The following PDE6B variants were observed in gnomAD, a reference collection of about 807,000 sequenced individuals.
PDE6B encodes phosphodiesterase 6B.
Under a neutral mutation model 109.0 loss-of-function variants are expected in PDE6B, and 106 were observed. That is an observed-to-expected ratio of 0.97 (90% CI 0.83 to 1.14). The LOEUF is 1.14. Among genes scored for constraint, PDE6B ranks in the 50% most tolerant of loss-of-function variants. The probability of loss-of-function intolerance (pLI) is 0.00; values close to 1 mark genes in which losing one functional copy is unlikely to be tolerated. For synonymous variants in PDE6B, 490 were observed against 471.3 expected (o/e 1.04, Z -0.51); for missense variants, 1,193 against 1,155.6 (o/e 1.03, Z -0.47).
intron 6 of PDE6B, 46 bp downstream of exon 6, chr4:654,934 C>T (rs772350445): frequency 1.9e-6 from 2 of 1,061,418 alleles, no homozygotes; most frequent in Non-Finnish European, 1.5e-6. Flanking sequence ...GAGGGACCGC[C>T]CCTCAGACCC....
rs1737253190 is a variant in PDE6B, at chr4:662,688, T to C, written c.1832+70T>C. ...CCACGCCCTTGGCGTGAATTAGGCT[T>C]CGCATAGCAGGCTATGTAGAAAGTG... On this transcript the variant is annotated intron_variant, in intron 14 of 21. Transcript: ENST00000496514. This position sits in a 1 kb window ranked among gnomAD's most constrained non-coding sequence, Gnocchi z 4.3. The C allele has an allele frequency of 1.0e-6, 1 of 989,864 alleles. No homozygotes were observed. The highest frequency in any genetic ancestry group is 1.6e-5 in the African/African-American group (1 of 62,822). The allele number at this position is 989,864 out of a possible 1,614,324, so 61.3% of individuals were successfully genotyped here. A position where few individuals can be genotyped will look rare whatever the true frequency, so the allele number is the denominator to read the frequency against.
intron 3 of PDE6B, among the ~76,000 whole-genome samples, chr4:644,553 A>G (rs943258110): frequency 6.6e-6 from 1 of 151,646 alleles, no homozygotes; most frequent in Non-Finnish European, 1.5e-5. Context: ...TTTTTGAGAC[A>G]GATTCTTTCT....
Position 664,936 on chromosome 4 carries a change from C to T in PDE6B, c.2185C>T (p.Gln729Ter). 1 of 1,612,520 alleles carries T rather than the reference C, an allele frequency of 6.2e-7. No homozygotes were observed. Among genetic ancestry groups the T allele is most frequent in the Non-Finnish European group, 8.5e-7 (1 of 1,179,296 alleles). ...LSAITKPWEV[Q>*]SKVALLVAAE... ...TGCCATCACCAAGCCCTGGGAAGTC[C>T]AGAGCAAGGTTAGAACAGAGGGCCC... The change falls in exon 18 of 22, where the codon CAG (glutamine) becomes TAG (stop). Residue 729 changes from glutamine (Q) to a stop codon, truncating the protein, a stop_gained. Transcript: ENST00000496514. LOFTEE classifies it high-confidence loss of function.
intron 12 of PDE6B, chr4:661,713 G>C: frequency 4.1e-6 from 1 of 241,822 alleles, no homozygotes; most frequent in Non-Finnish European, 8.3e-6. Flanking sequence ...AGAGAGACCA[G>C]CATTCTCTTG....
chr4:668,061 A>G (rs1387282468), intron 21 of PDE6B, 55 bp downstream of exon 21: 2 of 1,525,002 alleles, frequency 1.3e-6, no homozygotes, highest in Admixed American at 3.4e-5. Flanking sequence ...CCAAGGCAAA[A>G]TGAAAAGACA....
chr4:654,847 C>T lies in PDE6B; in HGVS notation c.951C>T (p.Ile317=), dbSNP rs1416849757. 3.2e-6 allele frequency: 5 copies of T among 1,574,130 alleles called. No individual in the cohort carries two copies. Among genetic ancestry groups the T allele is most frequent in the South Asian group, 2.2e-5 (2 of 90,286 alleles). Residue 317 remains isoleucine, a synonymous_variant, in exon 6 of 22, where the codon ATC becomes ATT. Transcript: ENST00000496514. ...AGGAAATTGTCTTCTACAAAGTGAT[C>T]GACTACGTCCTCCACGGCAAGGAGG... is the stretch of plus-strand genomic sequence containing the variant. ...DGREIVFYKV[I]DYVLHGKEEI...
At chr4:635,373 CCACGCG>C in intron 2 of PDE6B, among the ~76,000 whole-genome samples, 1 of 131,438 alleles carries the variant, frequency 7.6e-6, no homozygotes, top group East Asian at 2.3e-4. Context: ...GTGTTCTGTG[CCACGCG>C]TCTGCCTCCC....
chr4:636,444 G>T lies in PDE6B; in HGVS notation c.711+475G>T, dbSNP rs1734686258. Among the ~76,000 whole-genome samples the T allele has an allele frequency of 6.6e-6, 1 of 152,146 alleles. No individual in the cohort carries two copies. Among genetic ancestry groups the T allele is most frequent in the Admixed American group, 6.5e-5 (1 of 15,276 alleles). ...CCTGGCCGAGACGCTGGGGAGGGAG[G>T]CCTGAGGACCTTAAGGAGTCAGGTG... is the stretch of plus-strand genomic sequence containing the variant. On this transcript the variant is annotated intron_variant, in intron 3 of 21. Coordinates refer to ENST00000496514, the MANE Select transcript of PDE6B (RefSeq NM_000283.4). This position sits in a 1 kb window ranked among gnomAD's most constrained non-coding sequence, Gnocchi z 4.5.
chr4:663,644 C>A lies in PDE6B; in HGVS notation c.1921-126C>A. On this transcript the variant is annotated intron_variant, in intron 15 of 21. Coordinates refer to ENST00000496514, the MANE Select transcript of PDE6B (RefSeq NM_000283.4). This position sits in a 1 kb window ranked among gnomAD's most constrained non-coding sequence, Gnocchi z 4.0. ...TGAGCAGCAGGCGGATTAGGGGTCC[C>A]GCCCACCGAGGGCCCGAGGGCGGGG... 1.4e-6 allele frequency: 1 copy of A among 733,176 alleles called. No individual in the cohort carries two copies. Among genetic ancestry groups the A allele is most frequent in the South Asian group, 1.5e-5 (1 of 67,164 alleles). The allele number at this position is 733,176 out of a possible 1,614,324, so 45.4% of individuals were successfully genotyped here. A position where few individuals can be genotyped will look rare whatever the true frequency, so the allele number is the denominator to read the frequency against.
At chr4:667,616 T>C (rs1312262335) in intron 20 of PDE6B, among the ~76,000 whole-genome samples, 1 of 152,046 alleles carries the variant, frequency 6.6e-6, no homozygotes, top group African/African-American at 2.4e-5. Flanking sequence ...TGGGTTCCTC[T>C]CCCTGCAACA....
intron 3 of PDE6B, 76 bp from the exon 4 acceptor site, chr4:653,775 TA>T: frequency 6.5e-7 from 1 of 1,528,574 alleles, no homozygotes. Context: ...AGGCTTGAGT[TA>T]AACCCCTGCT....
chr4:648,845 G>A lies in PDE6B; in HGVS notation c.712-5007G>A, dbSNP rs1240794671. On this transcript the variant is annotated intron_variant, in intron 3 of 21. Coordinates refer to ENST00000496514, the MANE Select transcript of PDE6B (RefSeq NM_000283.4). This position sits in a 1 kb window ranked among gnomAD's most constrained non-coding sequence, Gnocchi z 4.5. ...TCAGGCCGGCCATGCGTCAGGACCC[G>A]GTGGCTCGCTGCAAGGGCGGAGGAG... Among the ~76,000 whole-genome samples, 3 of 152,248 alleles carry A rather than the reference G, an allele frequency of 2.0e-5. No homozygotes were observed. The highest frequency in any genetic ancestry group is 1.9e-4 in the East Asian group (1 of 5,190).
chr4:661,272 A>G (rs1158864544), intron 12 of PDE6B: 1 of 152,604 alleles, frequency 6.6e-6, no homozygotes, highest in East Asian at 1.9e-4. Context: ...TCATCTGGCA[A>G]TAACAGGGGA....
rs754365188 is a variant in PDE6B, at chr4:660,467, AAGG to A, written c.1474_1476del (p.Glu492del). On this transcript the variant is annotated inframe_deletion and splice_region_variant, in exon 12 of 22. Coordinates refer to ENST00000496514, the MANE Select transcript of PDE6B (RefSeq NM_000283.4). ...CCTCAGCCCACAATCCCTCCCACAG[AAGG>A]AGGAGCTGCCAGGGCCCACCACATT... 1 of 1,613,644 alleles carries A rather than the reference AAGG, an allele frequency of 6.2e-7. No individual in the cohort carries two copies. The highest frequency in any genetic ancestry group is 1.1e-5 in the South Asian group (1 of 91,076).
At chr4:657,141 G>A (rs1736368538) in intron 9 of PDE6B, 118 bp downstream of exon 9, 3 of 1,227,192 alleles carry the variant, frequency 2.4e-6, no homozygotes, top group South Asian at 1.2e-5. Flanking sequence ...TGTGTGTGCG[G>A]TATGCATGCG....
intron 11 of PDE6B, among the ~76,000 whole-genome samples, chr4:660,120 C>T (rs1266916033): frequency 1.3e-5 from 2 of 152,016 alleles, no homozygotes; most frequent in Non-Finnish European, 2.9e-5. Context: ...TGGGAGTGGC[C>T]GTGTATCCAG....
chr4:639,840 G>A (rs762165074), intron 3 of PDE6B, among the ~76,000 whole-genome samples: 3 of 152,022 alleles, frequency 2.0e-5, no homozygotes, highest in African/African-American at 4.8e-5. Flanking sequence ...ACATGGTGGC[G>A]CATGCCTGTA....
At chr4:657,195 T>C (rs1736378700) in intron 9 of PDE6B, among the ~76,000 whole-genome samples, 156 bp from the exon 10 acceptor site, 1 of 152,120 alleles carries the variant, frequency 6.6e-6, no homozygotes, top group Admixed American at 6.5e-5. Context: ...AGCAGGAGCC[T>C]CTGCAGAGCA....
At chr4:638,617 C>A (rs1380923830) in intron 3 of PDE6B, among the ~76,000 whole-genome samples, 3 of 152,122 alleles carry the variant, frequency 2.0e-5, no homozygotes, top group African/African-American at 7.2e-5. Context: ...GCCACTGCAC[C>A]CAACCAGAGT....
Sources: gnomAD v4.1 joint callset for allele counts (sites outside exome capture counted in the v4.1 genomes callset) on GRCh38, gnomAD v4.1.1 for gene constraint, Gnocchi (gnomAD v3.1) non-coding constraint, MANE v1.5 for transcripts, NCBI Gene and HGNC (gene_info 2026-07-23, HGNC 2026-07-21) for gene names.